POLK: variants seen among roughly 807,000 people sequenced by gnomAD.
POLK encodes the protein DNA polymerase kappa.
Under a neutral mutation model 94.0 loss-of-function variants are expected in POLK, and 76 were observed. That is an observed-to-expected ratio of 0.81 (90% CI 0.67 to 0.98). The LOEUF is 0.98. Ranked by LOEUF, POLK falls within the 50% of genes least tolerant of loss-of-function variation. The pLI, the probability that POLK is intolerant of heterozygous loss-of-function variation, is 0.00. For synonymous variants in POLK, 349 were observed against 325.4 expected (o/e 1.07, Z -0.78); for missense variants, 954 against 1,010.1 (o/e 0.94, Z 0.75).
intron 1 of POLK, among the ~76,000 whole-genome samples, chr5:75,515,641 T>A (rs1768286740): frequency 6.6e-6 from 1 of 152,248 alleles, no homozygotes; most frequent in Non-Finnish European, 1.5e-5. Flanking sequence ...AATTGCTAGA[T>A]CATACAGTAG....
chr5:75,583,741 A>T (rs1037456696), intron 8 of POLK, among the ~76,000 whole-genome samples: 2 of 152,184 alleles, frequency 1.3e-5, no homozygotes, highest in African/African-American at 4.8e-5. Context: ...TAAAGTCCAG[A>T]TTGCTACTAG....
At chr5:75,511,774 G>A (rs754730594) in exon 1 of POLK, 13 of 1,551,404 alleles carry the variant, frequency 8.4e-6, no homozygotes, top group Non-Finnish European at 1.0e-5. Context: ...GCTCTCCCGG[G>A]TGACGACGGG....
At chr5:75,587,026 G>A in exon 10 of POLK, 2 of 1,553,572 alleles carry the variant, frequency 1.3e-6, no homozygotes, top group Non-Finnish European at 1.8e-6. Flanking sequence ...TCATTTCAAG[G>A]GATGGAGAGA....
intron 3 of POLK, among the ~76,000 whole-genome samples, chr5:75,559,765 C>G (rs1390957701): frequency 6.6e-6 from 1 of 151,812 alleles, no homozygotes; most frequent in Non-Finnish European, 1.5e-5. Context: ...GTCTCAAACT[C>G]CTGGCCTCAA....
chr5:75,569,227 G>C, intron 3 of POLK, 113 bp from the exon 4 acceptor site: 3 of 668,838 alleles, frequency 4.5e-6, no homozygotes, highest in Non-Finnish European at 7.4e-6. Flanking sequence ...ATGGATGAAT[G>C]GGTGTGTGGA....
intron 5 of POLK, among the ~76,000 whole-genome samples, chr5:75,576,187 T>C (rs1468799545): frequency 6.6e-6 from 1 of 152,180 alleles, no homozygotes; most frequent in Non-Finnish European, 1.5e-5. Context: ...CTATAGATTG[T>C]CATTTTTTTC....
intron 1 of POLK, among the ~76,000 whole-genome samples, chr5:75,532,100 C>T (rs944768047): frequency 1.3e-5 from 2 of 152,040 alleles, no homozygotes; most frequent in African/African-American, 4.8e-5. Context: ...TGTTTTTTAA[C>T]TTTTATTTTA....
intron 1 of POLK, among the ~76,000 whole-genome samples, chr5:75,525,270 A>G (rs1768781469): frequency 6.6e-6 from 1 of 152,246 alleles, no homozygotes; most frequent in Non-Finnish European, 1.5e-5. Flanking sequence ...AACGAAGTAA[A>G]GAAATATGTT....
chr5:75,515,395 C>G (rs547231598), intron 1 of POLK, among the ~76,000 whole-genome samples: 1 of 152,224 alleles, frequency 6.6e-6, no homozygotes, highest in South Asian at 2.1e-4. Context: ...TCAAGCAATC[C>G]TCCTGCCTTG....
chr5:75,532,002 C>G (rs1034287022), intron 1 of POLK, among the ~76,000 whole-genome samples: 7 of 152,134 alleles, frequency 4.6e-5, no homozygotes, highest in African/African-American at 1.7e-4. Context: ...TCACATGGCA[C>G]CTGGCTTCCC....
intron 8 of POLK, among the ~76,000 whole-genome samples, chr5:75,584,540 T>C (rs919420702): frequency 6.6e-6 from 1 of 152,034 alleles, no homozygotes. Flanking sequence ...TGGTGGCGCA[T>C]GTCTGTAATC....
the POLK span, chr5:75,609,051 A>C: frequency 6.6e-6 from 1 of 152,184 alleles, no homozygotes. Context: ...CACATAATGC[A>C]CTGCTTTGGA....
intron 3 of POLK, among the ~76,000 whole-genome samples, chr5:75,552,953 G>A (rs1050138842): frequency 1.3e-5 from 2 of 152,016 alleles, no homozygotes; most frequent in Non-Finnish European, 1.5e-5. Flanking sequence ...GGATAAATGT[G>A]GAATGTTTTC....
intron 12 of POLK, among the ~76,000 whole-genome samples, chr5:75,594,485 A>G (rs1370924716): frequency 6.6e-6 from 1 of 152,188 alleles, no homozygotes; most frequent in Non-Finnish European, 1.5e-5. Context: ...TATTTTCCTT[A>G]TAACTTAATG....
rs561211808 is a variant in POLK, at chr5:75,585,726, A to T, written c.1226+800A>T. On this transcript the variant is annotated intron_variant, in intron 9 of 14. Coordinates refer to ENST00000241436, the Ensembl canonical transcript of POLK. ...GGTGAAAAGAAGGAAATTTTAAAAG[A>T]CTGGGAATCGTGGAAGTCAACTCTG... Among the ~76,000 whole-genome samples, 9 of 152,288 alleles carry T rather than the reference A, an allele frequency of 5.9e-5. No homozygotes were observed. In the South Asian group the frequency reaches 1.9e-3, roughly 32 times the overall value.
intron 1 of POLK, among the ~76,000 whole-genome samples, chr5:75,546,532 A>G (rs1244667418): frequency 3.3e-5 from 5 of 152,174 alleles, no homozygotes. Context: ...TCATTTAAAA[A>G]TTTTGTTTTG....
intron 1 of POLK, among the ~76,000 whole-genome samples, chr5:75,543,621 T>C (rs1769865248): frequency 6.6e-6 from 1 of 152,174 alleles, no homozygotes; most frequent in Non-Finnish European, 1.5e-5. Flanking sequence ...TGACTGGTGC[T>C]ATAAACCTGT....
chr5:75,553,762 AC>A (rs1262606067), intron 3 of POLK, among the ~76,000 whole-genome samples: 1 of 152,184 alleles, frequency 6.6e-6, no homozygotes, highest in Non-Finnish European at 1.5e-5. Flanking sequence ...ATAGTTGTAA[AC>A]CATTAATATT....
At chr5:75,529,149 G>C (rs755274979) in intron 1 of POLK, among the ~76,000 whole-genome samples, 12 of 152,150 alleles carry the variant, frequency 7.9e-5, no homozygotes, top group Non-Finnish European at 1.3e-4. Flanking sequence ...GGTTCTGCAG[G>C]CTATATAGGA....
Sources: gnomAD v4.1 joint callset for allele counts (sites outside exome capture counted in the v4.1 genomes callset) on GRCh38, gnomAD v4.1.1 for gene constraint, MANE v1.5 for transcripts, NCBI Gene and HGNC (gene_info 2026-07-23, HGNC 2026-07-21) for gene names.